The following MGRN1 variants were observed in gnomAD, a reference collection of about 807,000 sequenced individuals.
MGRN1 encodes mahogunin ring finger 1.
A neutral mutation model predicts 69.2 loss-of-function variants in MGRN1; 29 were observed. The observed-to-expected ratio is 0.42, with a 90% confidence interval of 0.31 to 0.57. MGRN1 has a LOEUF of 0.57. Ranked by LOEUF, MGRN1 falls within the 20% of genes least tolerant of loss-of-function variation. MGRN1 has a pLI of 0.15. For missense variants in MGRN1, 998 were observed against 796.2 expected (o/e 1.25, Z -3.05); for synonymous variants, 470 against 344.2 (o/e 1.37, Z -4.04).
At chr16:4,628,626 C>T (rs551738938) in intron 1 of MGRN1, among the ~76,000 whole-genome samples, 10 of 152,230 alleles carry the variant, frequency 6.6e-5, no homozygotes, top group South Asian at 2.1e-4. Context: ...CTCAGTGCAA[C>T]GTCCGCCTCC....
intron 8 of MGRN1, among the ~76,000 whole-genome samples, chr16:4,668,638 ACT>A (rs1370505381): frequency 3.3e-5 from 5 of 151,792 alleles, no homozygotes; most frequent in Non-Finnish European, 7.4e-5. Flanking sequence ...AGATGCACAC[ACT>A]CAGACACACT....
chr16:4,658,390 C>G (rs970252879), intron 5 of MGRN1, among the ~76,000 whole-genome samples: 1 of 151,850 alleles, frequency 6.6e-6, no homozygotes, highest in Non-Finnish European at 1.5e-5. Context: ...AAAAAAATTA[C>G]CCGGGTGTGG....
rs369723035 is a variant in MGRN1, at chr16:4,681,517, G to C, written c.1132-33G>C. ...CGTCTGGGGAGCAGGTGGTCCCTGG[G>C]CATGAGCCCCCTCACGCACCCTGTC... On this transcript the variant is annotated intron_variant, in intron 12 of 16. Coordinates refer to ENST00000262370, the MANE Select transcript of MGRN1 (RefSeq NM_015246.4). 1.9e-5 allele frequency: 30 copies of C among 1,584,734 alleles called. No homozygotes were observed. In the East Asian group the frequency reaches 6.1e-4, roughly 32 times the overall value.
At chr16:4,684,756 G>A (rs936461533) in intron 16 of MGRN1, among the ~76,000 whole-genome samples, 7 of 152,370 alleles carry the variant, frequency 4.6e-5, no homozygotes, top group African/African-American at 1.7e-4. Flanking sequence ...CTCAGCACCT[G>A]CCACGAGGCT....
chr16:4,639,998 G>A (rs113568866), intron 1 of MGRN1: 1 of 152,340 alleles, frequency 6.6e-6, no homozygotes, highest in Non-Finnish European at 1.5e-5. Context: ...TGTGCACTCA[G>A]ATGGCCTGTG....
intron 12 of MGRN1, 108 bp from the exon 13 acceptor site, chr16:4,681,442 G>T (rs1305677708): frequency 1.9e-5 from 20 of 1,055,294 alleles, no homozygotes; most frequent in Non-Finnish European, 1.4e-6. Flanking sequence ...GAGGGTGGGG[G>T]AGTCTCAATC....
chr16:4,679,065 G>GC (rs1469800807), intron 11 of MGRN1, among the ~76,000 whole-genome samples: 2 of 152,292 alleles, frequency 1.3e-5, no homozygotes, highest in East Asian at 3.9e-4. Context: ...GGCCCTCTAG[G>GC]CCCCTACCAT....
At chr16:4,646,694 T>C (rs1433147269) in intron 1 of MGRN1, among the ~76,000 whole-genome samples, 1 of 152,158 alleles carries the variant, frequency 6.6e-6, no homozygotes, top group African/African-American at 2.4e-5. Flanking sequence ...CCCTGTTCAG[T>C]GTGGGTGCAG....
In MGRN1 at chr16:4,681,537, C is replaced by T; in HGVS notation, c.1132-13C>T. 1 of 1,607,070 alleles carries T rather than the reference C, an allele frequency of 6.2e-7. No individual in the cohort carries two copies. The highest frequency in any genetic ancestry group is 2.2e-5 in the East Asian group (1 of 44,716). On this transcript the variant is annotated splice_polypyrimidine_tract_variant and intron_variant, in intron 12 of 16. Coordinates refer to ENST00000262370, the MANE Select transcript of MGRN1 (RefSeq NM_015246.4). The stretch of plus-strand genomic sequence containing the variant: ...CCTGGGCATGAGCCCCCTCACGCAC[C>T]CTGTCCCTACAGAACTCTGACAGCG...
At position 4,630,531 on chromosome 16, in the gene MGRN1, G is replaced by A. The variant is rs188257502; in HGVS notation, c.88+5483G>A. Among the ~76,000 whole-genome samples, 19 of 151,596 alleles carry A rather than the reference G, an allele frequency of 1.3e-4. No homozygotes were observed. In the East Asian group the frequency reaches 3.4e-3, roughly 27 times the overall value. On this transcript the variant is annotated intron_variant, in intron 1 of 16. Coordinates refer to ENST00000262370, the MANE Select transcript of MGRN1 (RefSeq NM_015246.4). The stretch of plus-strand genomic sequence containing the variant: ...AGTGGCATGATCTTAGCTCACTGCA[G>A]CCTCTGCCCGGGTTCCAGCGATTCT...
chr16:4,654,031 C>T (rs1473028643), intron 4 of MGRN1, among the ~76,000 whole-genome samples: 3 of 152,170 alleles, frequency 2.0e-5, no homozygotes, highest in African/African-American at 7.2e-5. Flanking sequence ...AGATTACAGC[C>T]GTGAGCCCCC....
intron 1 of MGRN1, among the ~76,000 whole-genome samples, chr16:4,646,563 C>G (rs1381522735): frequency 6.6e-6 from 1 of 152,136 alleles, no homozygotes; most frequent in South Asian, 2.1e-4. Flanking sequence ...CGGGACCTCT[C>G]CATGGGGCTG....
At position 4,647,032 on chromosome 16, in the gene MGRN1, C is replaced by G. The variant is rs766311238; in HGVS notation, c.89-3333C>G. Reference sequence around the variant, plus strand: ...TGGGGAGAGCCTGGAAGGGTGGGGGCTGATCACTGCTAAGGGTGCCCCCGA... The same window carrying G: ...TGGGGAGAGCCTGGAAGGGTGGGGGGTGATCACTGCTAAGGGTGCCCCCGA... On this transcript the variant is annotated intron_variant, in intron 1 of 16. Coordinates refer to ENST00000262370, the MANE Select transcript of MGRN1 (RefSeq NM_015246.4). Among the ~76,000 whole-genome samples the G allele has an allele frequency of 5.0e-3, 763 of 152,344 alleles. 4 individuals are homozygous for G. Among genetic ancestry groups the G allele is most frequent in the Non-Finnish European group, 8.7e-3 (595 of 68,018 alleles).
intron 7 of MGRN1, among the ~76,000 whole-genome samples, chr16:4,667,951 G>C (rs1048063657): frequency 1.3e-5 from 2 of 152,002 alleles, no homozygotes; most frequent in East Asian, 3.9e-4. Context: ...TCTGAACTTG[G>C]CTGATTGGCA....
chr16:4,656,034 C>G (rs1472423985), intron 4 of MGRN1, among the ~76,000 whole-genome samples: 1 of 152,228 alleles, frequency 6.6e-6, no homozygotes, highest in Non-Finnish European at 1.5e-5. Flanking sequence ...GTGGCCCCCC[C>G]ACGCCCCATC....
chr16:4,664,901 G>A (rs1465394566), intron 6 of MGRN1, 126 bp downstream of exon 6: 5 of 1,357,986 alleles, frequency 3.7e-6, no homozygotes, highest in Non-Finnish European at 5.2e-6. Context: ...TTCCCACAGG[G>A]CAGGGTGTGA....
At chr16:4,672,339 C>T (rs910029119) in intron 9 of MGRN1, 7 of 456,582 alleles carry the variant, frequency 1.5e-5, no homozygotes, top group Middle Eastern at 3.2e-4. Context: ...GAGACCACCA[C>T]GCCTGGTCGA....
At chr16:4,657,557 G>T (rs1188508240) in intron 5 of MGRN1, among the ~76,000 whole-genome samples, 194 bp downstream of exon 5, 1 of 152,172 alleles carries the variant, frequency 6.6e-6, no homozygotes, top group East Asian at 1.9e-4. Flanking sequence ...TGCTGATGGG[G>T]CCAGGGGACC....
intron 1 of MGRN1, chr16:4,633,577 G>C (rs1898117942): frequency 6.6e-6 from 1 of 151,186 alleles, no homozygotes; most frequent in African/African-American, 2.4e-5. Context: ...TGTAATCCCA[G>C]CTACTCGGGA....
Sources: gnomAD v4.1 joint callset for allele counts (sites outside exome capture counted in the v4.1 genomes callset) on GRCh38, gnomAD v4.1.1 for gene constraint, MANE v1.5 for transcripts, NCBI Gene and HGNC (gene_info 2026-07-23, HGNC 2026-07-21) for gene names.